RAI1: variants seen among roughly 807,000 people sequenced by gnomAD.
RAI1 encodes the protein retinoic acid-induced protein 1.
A neutral mutation model predicts 123.8 loss-of-function variants in RAI1; 9 were observed. That is an observed-to-expected ratio of 0.07 (90% confidence interval 0.04 to 0.13). RAI1 has a LOEUF of 0.13. Ranked by LOEUF, RAI1 falls within the 10% of genes least tolerant of loss-of-function variation. The pLI, the probability that RAI1 is intolerant of heterozygous loss-of-function variation, is 1.00. For missense variants in RAI1, 2,256 were observed against 2,545.8 expected (o/e 0.89, Z 2.45); for synonymous variants, 1,231 against 1,127.3 (o/e 1.09, Z -1.84).
At position 17,705,320 on chromosome 17, in the gene RAI1, A is replaced by G. The variant is rs1915358377; in HGVS notation, c.-148-18708A>G. On this transcript the variant is annotated intron_variant, in intron 1 of 5. Coordinates refer to ENST00000353383, the MANE Select transcript of RAI1 (RefSeq NM_030665.4). ...TTTGCTTTATCACCAATTTCTTTAC[A>G]TCATTTATTCCTTCAAAAACATTTC... is the stretch of plus-strand genomic sequence containing the variant. Among the ~76,000 whole-genome samples, 4 of 152,302 alleles carry G rather than the reference A, an allele frequency of 2.6e-5. No individual in the cohort carries two copies. In the South Asian group the frequency reaches 8.3e-4, roughly 32 times the overall value.
rs2032398703 is a variant in RAI1 at position 17,800,011 on chromosome 17, C to T, written c.5565+1498C>T. 6.6e-6 allele frequency among the ~76,000 whole-genome samples: 1 copy of T among 152,156 alleles called. No individual in the cohort carries two copies. ...CCTTCTCCACGCCCAGACGCCCTGC[C>T]CACCTCACTCCACCCTCCACCTCAG... On this transcript the variant is annotated intron_variant, in intron 3 of 5. Transcript: ENST00000353383. This position sits in a 1 kb window ranked among gnomAD's most constrained non-coding sequence, Gnocchi z 4.7.
Position 17,793,000 on chromosome 17 carries a change from C to G in RAI1, c.52C>G (p.Gln18Glu). The G allele has an allele frequency of 6.2e-6, 10 of 1,613,618 alleles. No homozygotes were observed. Among genetic ancestry groups the G allele is most frequent in the Non-Finnish European group, 8.5e-6 (10 of 1,179,730 alleles). The change falls in exon 3 of 6, where the codon CAG becomes GAG. Residue 18 changes from glutamine to glutamate, a missense_variant. Coordinates refer to ENST00000353383, the MANE Select transcript of RAI1 (RefSeq NM_030665.4). ...CGFHGKQQNY[Q>E]QTSQETSRLE... ...TTTCCATGGCAAACAACAGAACTAC[C>G]AGCAGACCTCGCAGGAAACATCACG...
intron 4 of RAI1, among the ~76,000 whole-genome samples, chr17:17,804,567 A>C (rs1035506313): frequency 6.6e-6 from 1 of 151,796 alleles, no homozygotes; most frequent in African/African-American, 2.4e-5. Flanking sequence ...GCAATTGCTT[A>C]TGGTACAATA....
chr17:17,783,818 C>A (rs2031717677), intron 2 of RAI1, among the ~76,000 whole-genome samples: 1 of 152,112 alleles, frequency 6.6e-6, no homozygotes, highest in Non-Finnish European at 1.5e-5. Context: ...TAGTCGCAGA[C>A]CCTAATTGTC....
At chr17:17,749,158 G>A (rs2030052082) in intron 2 of RAI1, among the ~76,000 whole-genome samples, 1 of 152,224 alleles carries the variant, frequency 6.6e-6, no homozygotes, top group Non-Finnish European at 1.5e-5. Context: ...GAGAGTTCCC[G>A]CTCTTAGCAC....
At chr17:17,761,007 G>A (rs1005763595) in intron 2 of RAI1, among the ~76,000 whole-genome samples, 1 of 152,226 alleles carries the variant, frequency 6.6e-6, no homozygotes, top group Non-Finnish European at 1.5e-5. Context: ...CTCATTCACA[G>A]TGAAAGTGTT....
In RAI1 at chr17:17,793,626, C is replaced by G. The variant is rs2032108011; in HGVS notation, c.678C>G (p.Val226=). 2 of 1,613,342 alleles carry G rather than the reference C, an allele frequency of 1.2e-6. No individual in the cohort carries two copies. Among genetic ancestry groups the G allele is most frequent in the Non-Finnish European group, 8.5e-7 (1 of 1,180,016 alleles). Reference sequence around the variant, plus strand: ...CCTCCTCCACCTACTCCTCCTCTGTCCAGGGTGGTGGGCAGGGGGCCCACT... The same window carrying G: ...CCTCCTCCACCTACTCCTCCTCTGTGCAGGGTGGTGGGCAGGGGGCCCACT... ...FPTSSTYSSS[V]QGGGQGAHSY... The change falls in exon 3 of 6, where the codon GTC becomes GTG. Residue 226 remains valine, a synonymous_variant. Transcript: ENST00000353383.
intron 2 of RAI1, among the ~76,000 whole-genome samples, chr17:17,737,772 C>G (rs988232129): frequency 3.3e-5 from 5 of 152,200 alleles, no homozygotes; most frequent in Non-Finnish European, 5.9e-5. Context: ...TCGGGCTCAG[C>G]CTGATTTCAG....
At chr17:17,709,714 A>G (rs529071362) in intron 1 of RAI1, among the ~76,000 whole-genome samples, 11 of 152,272 alleles carry the variant, frequency 7.2e-5, no homozygotes, top group South Asian at 6.2e-4. Flanking sequence ...GTCCAAAGTG[A>G]TGTAGCAGGG....
At chr17:17,803,640 C>T (rs2032532405) in intron 3 of RAI1, 116 bp from the exon 4 acceptor site, 5 of 942,456 alleles carry the variant, frequency 5.3e-6, no homozygotes, top group Non-Finnish European at 8.7e-6. Context: ...CCCACCTTGG[C>T]CTCCCAGAGT....
intron 2 of RAI1, among the ~76,000 whole-genome samples, chr17:17,751,955 GTT>G (rs371638150): frequency 1.3e-5 from 2 of 151,844 alleles, no homozygotes; most frequent in African/African-American, 4.8e-5. Flanking sequence ...CAAGGGCAGA[GTT>G]TTTTTTTATT....
In RAI1 at chr17:17,797,960, A is replaced by C. The variant is rs1041313981; in HGVS notation, c.5012A>C (p.His1671Pro). The change falls in exon 3 of 6, where the codon CAC (histidine) becomes CCC (proline). Residue 1671 changes from histidine (H) to proline (P), a missense_variant. Around this residue, in one of 7 missense-constraint regions of RAI1, gnomAD observed 410 missense variants for 374.6 expected, o/e 1.09. Coordinates refer to ENST00000353383, the MANE Select transcript of RAI1 (RefSeq NM_030665.4). Reference sequence around the variant, plus strand: ...TCCTTGCCCCTCTCCTCCACGATGCACTTGGGGCCTGTGGTTTCCAAGGCC... The same window carrying C: ...TCCTTGCCCCTCTCCTCCACGATGCCCTTGGGGCCTGTGGTTTCCAAGGCC... Reference protein sequence around the residue: ...RPSLPLSSTMHLGPVVSKALS... With the variant: ...RPSLPLSSTMPLGPVVSKALS... 9 of 1,613,836 alleles carry C rather than the reference A, an allele frequency of 5.6e-6. No homozygotes were observed. Among genetic ancestry groups the C allele is most frequent in the Non-Finnish European group, 7.6e-6 (9 of 1,179,946 alleles).
intron 2 of RAI1, among the ~76,000 whole-genome samples, chr17:17,757,967 G>A (rs1295829388): frequency 6.6e-6 from 1 of 152,222 alleles, no homozygotes; most frequent in Non-Finnish European, 1.5e-5. Flanking sequence ...TGCCAAAGGT[G>A]CAGGGAGATG....
Position 17,796,417 on chromosome 17 carries a change from C to T in RAI1, c.3469C>T (p.His1157Tyr), listed in dbSNP as rs2032251571. The T allele has an allele frequency of 6.2e-7, 1 of 1,613,624 alleles. No homozygotes were observed. Among genetic ancestry groups the T allele is most frequent in the African/African-American group, 1.3e-5 (1 of 75,070 alleles). The change falls in exon 3 of 6, where the codon CAC (histidine) becomes TAC (tyrosine). Residue 1157 changes from histidine (H) to tyrosine (Y), a missense_variant. By Grantham distance (83) the His-to-Tyr change is moderately conservative. This residue lies in a region of RAI1 where 322 missense variants were observed against 358.0 expected (regional missense o/e 0.90). Coordinates refer to ENST00000353383, the MANE Select transcript of RAI1 (RefSeq NM_030665.4). The surrounding 1 kb of genome is among the most constrained non-coding windows in gnomAD (Gnocchi z 5.8). ...ACGCACCAAAACCCAGGAGATCTTC[C>T]ACTCCAAGCGGCGGAGGCCCTCTGA... The part of the protein sequence containing the change: ...RSRTKTQEIF[H>Y]SKRRRPSEGR...
chr17:17,746,171 G>A (rs1018798848), intron 2 of RAI1, among the ~76,000 whole-genome samples: 5 of 152,206 alleles, frequency 3.3e-5, no homozygotes, highest in Admixed American at 1.3e-4. Flanking sequence ...CCAGGGACAC[G>A]GGTGATAGCC....
At chr17:17,709,679 C>T (rs915779129) in intron 1 of RAI1, among the ~76,000 whole-genome samples, 2 of 152,170 alleles carry the variant, frequency 1.3e-5, no homozygotes, top group South Asian at 2.1e-4. Context: ...TGCTGGGCCT[C>T]GGGGAGGGGG....
chr17:17,729,661 G>T (rs1042873648), intron 2 of RAI1, among the ~76,000 whole-genome samples: 6 of 152,224 alleles, frequency 3.9e-5, no homozygotes, highest in Non-Finnish European at 5.9e-5. Context: ...CAAGTGCCTG[G>T]CAGCCCTGGA....
At chr17:17,697,458 C>A (rs557585365) in intron 1 of RAI1, among the ~76,000 whole-genome samples, 29 of 152,240 alleles carry the variant, frequency 1.9e-4, no homozygotes, top group Non-Finnish European at 3.5e-4. Context: ...CTGCAGCCAA[C>A]GGCCCGCTCT....
chr17:17,794,688 G>A lies in RAI1; in HGVS notation c.1740G>A (p.Pro580=), dbSNP rs138768616. Residue 580 remains proline, a synonymous_variant, in exon 3 of 6, where the codon CCG becomes CCA. Transcript: ENST00000353383. The part of the protein sequence containing the change: ...DSFQSLHGSL[P]LDSFSKFVAG... ...TCCAGAGCCTACACGGCAGTCTGCC[G>A]CTCGACAGCTTCTCCAAGTTCGTGG... 141 of 1,612,804 alleles carry A rather than the reference G, an allele frequency of 8.7e-5. No homozygotes were observed. Among genetic ancestry groups the A allele is most frequent in the African/African-American group, 1.2e-4 (9 of 75,064 alleles).
Sources: allele counts gnomAD v4.1 joint callset (sites outside exome capture counted in the v4.1 genomes callset), GRCh38; gene constraint gnomAD v4.1.1; regional missense constraint gnomAD v4.1.1; non-coding constraint Gnocchi (gnomAD v3.1); transcripts MANE v1.5; gene names NCBI Gene and HGNC (gene_info 2026-07-23, HGNC 2026-07-21).